Variants in TNKS observed in about 807,000 individuals in gnomAD.
TNKS encodes poly [ADP-ribose] polymerase tankyrase-1.
A neutral mutation model predicts 135.8 loss-of-function variants in TNKS; 72 were observed. That is an observed-to-expected ratio of 0.53 (90% confidence interval 0.44 to 0.64). The LOEUF (loss-of-function observed/expected upper bound fraction) is 0.64, where lower values mean the gene tolerates loss of function less well. TNKS is among the 30% of genes least tolerant of loss of function. The pLI, the probability that TNKS is intolerant of heterozygous loss-of-function variation, is 0.00. For synonymous variants in TNKS, 849 were observed against 649.3 expected (o/e 1.31, Z -4.68); for missense variants, 1,769 against 1,674.0 (o/e 1.06, Z -0.99).
At chr8:9,693,928 G>T (rs1803393906) in intron 5 of TNKS, among the ~76,000 whole-genome samples, 1 of 152,144 alleles carries the variant, frequency 6.6e-6, no homozygotes, top group Admixed American at 6.5e-5. Context: ...AGATCAATGG[G>T]TTTCCTAGGA....
chr8:9,567,515 A>G (rs1043014449), intron 1 of TNKS, among the ~76,000 whole-genome samples: 4 of 152,282 alleles, frequency 2.6e-5, no homozygotes, highest in South Asian at 2.1e-4. Flanking sequence ...TCCCGGGTTC[A>G]CGCCATTCTC....
At chr8:9,714,797 G>A (rs1339836298) in intron 11 of TNKS, among the ~76,000 whole-genome samples, 1 of 152,114 alleles carries the variant, frequency 6.6e-6, no homozygotes, top group Non-Finnish European at 1.5e-5. Flanking sequence ...GAGAAACACT[G>A]GTTTCCTACG....
At chr8:9,719,032 C>G (rs1163007736) in intron 11 of TNKS, among the ~76,000 whole-genome samples, 1 of 152,142 alleles carries the variant, frequency 6.6e-6, no homozygotes, top group Non-Finnish European at 1.5e-5. Context: ...GAAGAAGTAA[C>G]AAAGAAATCA....
chr8:9,562,289 C>A (rs1421393741), intron 1 of TNKS, among the ~76,000 whole-genome samples: 1 of 152,028 alleles, frequency 6.6e-6, no homozygotes, highest in Non-Finnish European at 1.5e-5. Context: ...CTATGAATTA[C>A]TGATTAATTT....
At chr8:9,724,393 G>C (rs554810109) in intron 12 of TNKS, among the ~76,000 whole-genome samples, 1 of 152,222 alleles carries the variant, frequency 6.6e-6, no homozygotes, top group Admixed American at 6.5e-5. Context: ...TTCAAGACCA[G>C]CCAGGGCAAC....
rs557326216 is a variant in TNKS, at chr8:9,705,945, C to T, written c.1203-242C>T. 5.3e-5 allele frequency among the ~76,000 whole-genome samples: 8 copies of T among 152,090 alleles called. No homozygotes were observed. The East Asian group carries it at 5.8e-4, about 11-fold the overall frequency. ...GTCAATTAGCATATGATCTTCCTTT[C>T]GCCAAAATGTTCTTCTATTTGGTAT... is the stretch of plus-strand genomic sequence containing the variant. On this transcript the variant is annotated intron_variant, in intron 6 of 26. Transcript: ENST00000310430.
At chr8:9,729,002 G>A (rs1462395842) in intron 13 of TNKS, among the ~76,000 whole-genome samples, 2 of 152,192 alleles carry the variant, frequency 1.3e-5, no homozygotes, top group African/African-American at 2.4e-5. Context: ...CAGTTCTGGA[G>A]GCTAGGAAGT....
At position 9,781,988 on chromosome 8, in the gene TNKS, A is replaced by T. The variant is rs929469121; in HGVS notation, c.*5252A>T. On this transcript the variant is annotated 3_prime_UTR_variant, in exon 27 of 27. Coordinates refer to ENST00000310430, the MANE Select transcript of TNKS (RefSeq NM_003747.3). ...GAATGTTTCATGCAATATTTGGCAT[A>T]TATTTACAGTAAAAGCATTCATTAT... is the stretch of plus-strand genomic sequence containing the variant. The T allele has an allele frequency of 1.3e-5, 2 of 152,388 alleles. No individual in the cohort carries two copies. Among genetic ancestry groups the T allele is most frequent in the Admixed American group, 1.3e-4 (2 of 15,284 alleles). 9.4% of individuals were successfully genotyped at this position (152,388 alleles called of 1,614,324 possible).
rs548457199 is a variant in TNKS, at chr8:9,556,893, T to A, written c.673+281T>A. 59 of 541,766 alleles carry A rather than the reference T, an allele frequency of 1.1e-4. No homozygotes were observed. In the South Asian group the frequency reaches 1.7e-3, roughly 15 times the overall value. The allele number at this position is 541,766 out of a possible 1,614,324, so 33.6% of individuals were successfully genotyped here. ...TCTCTGCATATGGATATATTTACAC[T>A]TTAGTTTTTGGTGTGCAGGAATACA... On this transcript the variant is annotated intron_variant, in intron 1 of 26. Transcript: ENST00000310430.
intron 3 of TNKS, among the ~76,000 whole-genome samples, chr8:9,619,811 T>A (rs1177533214): frequency 6.7e-6 from 1 of 148,786 alleles, no homozygotes. Flanking sequence ...TTTTTCCTGC[T>A]AACTGCCTCC....
chr8:9,746,657 A>G (rs772148363), intron 17 of TNKS, among the ~76,000 whole-genome samples: 2 of 151,976 alleles, frequency 1.3e-5, no homozygotes, highest in Non-Finnish European at 2.9e-5. Context: ...TCCATTTCGT[A>G]ATCTCCCTGG....
intron 3 of TNKS, among the ~76,000 whole-genome samples, chr8:9,672,654 TAA>T (rs746763150): frequency 0.027 from 1,155 of 42,660 alleles, 17 homozygotes; most frequent in African/African-American, 0.089. Context: ...ACTGTGATGG[TAA>T]AAAAAAAAAA....
chr8:9,594,043 C>A (rs372648047), intron 2 of TNKS, among the ~76,000 whole-genome samples: 3 of 152,070 alleles, frequency 2.0e-5, no homozygotes, highest in Admixed American at 1.3e-4. Context: ...CCCGCCACCA[C>A]GCATGGCTAT....
Position 9,720,293 on chromosome 8 carries a change from T to TA in TNKS, c.1750-81_1750-80insA, listed in dbSNP as rs398112181. 1.2e-4 allele frequency: 159 copies of TA among 1,295,038 alleles called. No individual in the cohort carries two copies. In the East Asian group the frequency reaches 3.1e-3, roughly 25 times the overall value. The allele number at this position is 1,295,038 out of a possible 1,614,324, so 80.2% of individuals were successfully genotyped here. A position where few individuals can be genotyped will look rare whatever the true frequency, so the allele number is the denominator to read the frequency against. ...AAAGCTTTGAAAGTTGATTTTTTTT[T>TA]CATAAGAATGTATTTTCTAAGGTAT... On this transcript the variant is annotated intron_variant, in intron 11 of 26. Coordinates refer to ENST00000310430, the MANE Select transcript of TNKS (RefSeq NM_003747.3).
chr8:9,680,862 A>G (rs1802751744), intron 5 of TNKS, 62 bp downstream of exon 5: 1 of 1,030,320 alleles, frequency 9.7e-7, no homozygotes, highest in East Asian at 2.7e-5. Flanking sequence ...TGAATGTGGC[A>G]TATATATATA....
intron 2 of TNKS, among the ~76,000 whole-genome samples, chr8:9,584,103 G>A (rs748758025): frequency 1.4e-5 from 2 of 147,914 alleles, no homozygotes; most frequent in Admixed American, 6.8e-5. Flanking sequence ...TGGGGAGCTT[G>A]CAGTGAGCCG....
rs149289887 is a variant in TNKS at position 9,573,306 on chromosome 8, G to C, written c.674-6853G>C. Among the ~76,000 whole-genome samples the C allele has an allele frequency of 1.2e-3, 190 of 152,286 alleles. 2 individuals carry two copies. The highest frequency in any genetic ancestry group is 4.3e-3 in the African/African-American group (178 of 41,550). ...TAATTCCAGGGCTGCCACATGGTCAGATAACAATTATGGATAGAAAAAGGA... is the reference window on the plus strand; with the variant it reads ...TAATTCCAGGGCTGCCACATGGTCACATAACAATTATGGATAGAAAAAGGA... On this transcript the variant is annotated intron_variant, in intron 1 of 26. Transcript: ENST00000310430.
chr8:9,630,600 C>T (rs941680091), intron 3 of TNKS, among the ~76,000 whole-genome samples: 1 of 152,190 alleles, frequency 6.6e-6, no homozygotes, highest in Non-Finnish European at 1.5e-5. Flanking sequence ...GGGGAAAACA[C>T]TTCTTATTTA....
chr8:9,561,319 C>G (rs1050372456), intron 1 of TNKS, among the ~76,000 whole-genome samples: 1 of 152,186 alleles, frequency 6.6e-6, no homozygotes, highest in African/African-American at 2.4e-5. Context: ...GAACTTATGA[C>G]TTTCCTTATA....
Sources: gnomAD v4.1 joint callset for allele counts (sites outside exome capture counted in the v4.1 genomes callset) on GRCh38, gnomAD v4.1.1 for gene constraint, MANE v1.5 for transcripts, NCBI Gene and HGNC (gene_info 2026-07-23, HGNC 2026-07-21) for gene names.